The following ATIC variants were observed in gnomAD, a reference collection of about 807,000 sequenced individuals.
ATIC encodes the protein 5-aminoimidazole-4-carboxamide ribonucleotide formyltransferase/IMP cyclohydrolase, also known as bifunctional purine biosynthesis protein ATIC.
Under a neutral mutation model 72.5 loss-of-function variants are expected in ATIC, and 64 were observed. The ratio of observed to expected loss-of-function variants is 0.88; its 90% CI spans 0.72 to 1.09. The LOEUF (loss-of-function observed/expected upper bound fraction) is 1.09, where lower values mean the gene tolerates loss of function less well. ATIC is among the 50% of genes least tolerant of loss of function. The pLI is 0.00. For missense variants in ATIC, 787 were observed against 732.4 expected (o/e 1.07, Z -0.86); for synonymous variants, 281 against 267.1 (o/e 1.05, Z -0.51).
At position 215,349,692 on chromosome 2, in the gene ATIC, A is replaced by G. The variant is rs1372653259; in HGVS notation, c.*37A>G. 3 of 1,614,030 alleles carry G rather than the reference A, an allele frequency of 1.9e-6. No homozygotes were observed. The highest frequency in any genetic ancestry group is 2.5e-6 in the Non-Finnish European group (3 of 1,180,010). ...ACTGTTTTTTGGCTTGCTTATGTGT[A>G]GGTGAACAGTCACGCCTGAAACTTT... On this transcript the variant is annotated 3_prime_UTR_variant, in exon 16 of 16. Transcript: ENST00000236959.
chr2:215,367,817 C>T, the ATIC span: 1 of 1,602,762 alleles, frequency 6.2e-7, no homozygotes, highest in Non-Finnish European at 8.5e-7. Flanking sequence ...ATGCATGGAA[C>T]TTGAGGAGAC....
At chr2:215,353,955 CTGTT>C (rs758351107), downstream of ATIC, among the ~76,000 whole-genome samples, 4 of 152,146 alleles carry the variant, frequency 2.6e-5, no homozygotes, top group East Asian at 1.9e-4. Flanking sequence ...TTTGAAAACA[CTGTT>C]TGGTTTTTTA....
downstream of ATIC, among the ~76,000 whole-genome samples, chr2:215,354,303 T>G (rs1053875478): frequency 3.9e-5 from 6 of 152,202 alleles, no homozygotes; most frequent in African/African-American, 1.4e-4. Context: ...GTGCTGGGAT[T>G]ACAGGTGTGA....
At chr2:215,336,009 G>A (rs777617455) in intron 10 of ATIC, 26 bp from the exon 11 acceptor site, 1 of 1,536,778 alleles carries the variant, frequency 6.5e-7, no homozygotes, top group South Asian at 1.1e-5. Context: ...TTTAAAAATA[G>A]AAATTAAAAT....
At chr2:215,325,747 A>G (rs1484427519) in intron 5 of ATIC, among the ~76,000 whole-genome samples, 1 of 151,552 alleles carries the variant, frequency 6.6e-6, no homozygotes, top group Non-Finnish European at 1.5e-5. Flanking sequence ...TGTATTTTTT[A>G]TAGAGATGGA....
At chr2:215,348,759 G>A (rs1295151882) in intron 14 of ATIC, 7 of 345,022 alleles carry the variant, frequency 2.0e-5, no homozygotes, top group Non-Finnish European at 3.9e-5. Context: ...TCAAGAGATT[G>A]AGACCCTCCT....
intron 7 of ATIC, among the ~76,000 whole-genome samples, chr2:215,331,446 G>C (rs190792728): frequency 2.0e-5 from 3 of 149,072 alleles, no homozygotes; most frequent in African/African-American, 7.4e-5. Context: ...GCAGTGGCGC[G>C]GTTTCGGCTC....
intron 2 of ATIC, 32 bp from the exon 3 acceptor site, chr2:215,318,125 C>A: frequency 6.3e-7 from 1 of 1,575,300 alleles, no homozygotes; most frequent in Non-Finnish European, 8.7e-7. Flanking sequence ...TCAGCCACAC[C>A]AGTAGTACCA....
At chr2:215,360,020 C>A in the ATIC span, among the ~76,000 whole-genome samples, 1 of 152,150 alleles carries the variant, frequency 6.6e-6, no homozygotes, top group Non-Finnish European at 1.5e-5. Flanking sequence ...CTCACTGCAA[C>A]CTCCGCCTTC....
chr2:215,314,721 G>A (rs1213481606), intron 2 of ATIC, among the ~76,000 whole-genome samples: 2 of 151,928 alleles, frequency 1.3e-5, no homozygotes, highest in African/African-American at 2.4e-5. Flanking sequence ...GGCTGATCTC[G>A]AACTCCTGAC....
intron 2 of ATIC, among the ~76,000 whole-genome samples, chr2:215,314,156 A>G (rs753516788): frequency 1.9e-4 from 29 of 152,168 alleles, no homozygotes; most frequent in Admixed American, 3.3e-4. Context: ...TATCTTCATT[A>G]TGGTCATATC....
intron 13 of ATIC, 79 bp from the exon 14 acceptor site, chr2:215,346,680 G>A (rs2053073678): frequency 6.7e-7 from 1 of 1,492,332 alleles, no homozygotes; most frequent in Non-Finnish European, 9.3e-7. Flanking sequence ...AATAGGTTTT[G>A]GAGAATGTGC....
chr2:215,328,552 C>T (rs1319780097), intron 7 of ATIC, among the ~76,000 whole-genome samples: 6 of 152,096 alleles, frequency 3.9e-5, no homozygotes, highest in Admixed American at 2.0e-4. Context: ...TGCCCTTCAC[C>T]GTCCTGGTTT....
Position 215,349,745 on chromosome 2 carries a change from A to C in ATIC, c.*90A>C, listed in dbSNP as rs573812822. The C allele has an allele frequency of 6.2e-7, 1 of 1,601,092 alleles. No individual in the cohort carries two copies. The highest frequency in any genetic ancestry group is 8.6e-7 in the Non-Finnish European group (1 of 1,168,954). On this transcript the variant is annotated 3_prime_UTR_variant, in exon 16 of 16. Transcript: ENST00000236959. ...GGATAACTTTTTAAAAAAATAAAAC[A>C]GTATCTCTTAATCACTGGATCCATA... is the stretch of plus-strand genomic sequence containing the variant.
chr2:215,312,557 C>T lies in ATIC; in HGVS notation c.79C>T (p.Leu27Phe). 5 of 1,614,216 alleles carry T rather than the reference C, an allele frequency of 3.1e-6. No homozygotes were observed. Among genetic ancestry groups the T allele is most frequent in the Non-Finnish European group, 4.2e-6 (5 of 1,180,034 alleles). ...GGAATTTGCAAGAAACCTGACCGCT[C>T]TTGGTTTGAATCTGGTCGCTTCCGG... Reference protein sequence around the residue: ...LVEFARNLTALGLNLVASGGT... With the variant: ...LVEFARNLTAFGLNLVASGGT... Residue 27 changes from leucine (L) to phenylalanine (F), a missense_variant, in exon 2 of 16, where the codon CTT (leucine) becomes TTT (phenylalanine). Leu to Phe is a conservative substitution (Grantham distance 22). Coordinates refer to ENST00000236959, the MANE Select transcript of ATIC (RefSeq NM_004044.7).
rs551274501 is a variant in ATIC at position 215,334,189 on chromosome 2, C to CTTTTTTT, written c.923-714_923-708dup. On this transcript the variant is annotated intron_variant, in intron 9 of 15. Coordinates refer to ENST00000236959, the MANE Select transcript of ATIC (RefSeq NM_004044.7). ...AAAATTGAAATTACAAAAAGCTATT[C>CTTTTTTT]TTTTTTTTTTTTTTTTTTTTTTGAG... Among the ~76,000 whole-genome samples, 193 of 100,948 alleles carry CTTTTTTT rather than the reference C, an allele frequency of 1.9e-3. 4 individuals carry two copies. Among genetic ancestry groups the CTTTTTTT allele is most frequent in the Middle Eastern group, 7.9e-3 (1 of 126 alleles). 66.2% of individuals were successfully genotyped at this position (100,948 alleles called of 152,430 possible).
In ATIC at chr2:215,332,394, C is replaced by T; in HGVS notation, c.701C>T (p.Ala234Val). The T allele has an allele frequency of 6.2e-7, 1 of 1,613,944 alleles. No homozygotes were observed. Among genetic ancestry groups the T allele is most frequent in the Non-Finnish European group, 8.5e-7 (1 of 1,180,016 alleles). ...TTTTTACATTTAGTTCTAAATGGAG[C>T]CCCTGGATTTATAAACTTGTGCGAT... ...PKLPITVLNGAPGFINLCDAL... is the reference protein window; with the variant it reads ...PKLPITVLNGVPGFINLCDAL... Residue 234 changes from alanine (A) to valine (V), a missense_variant, in exon 8 of 16, where the codon GCC becomes GTC. By Grantham distance (64) the Ala-to-Val change is moderately conservative (BLOSUM62 0). Coordinates refer to ENST00000236959, the MANE Select transcript of ATIC (RefSeq NM_004044.7).
At chr2:215,324,818 C>T (rs2052805092) in intron 4 of ATIC, among the ~76,000 whole-genome samples, 2 of 152,120 alleles carry the variant, frequency 1.3e-5, no homozygotes, top group Non-Finnish European at 2.9e-5. Flanking sequence ...TGCCAATCCA[C>T]TGGAAAAAGA....
chr2:215,367,011 T>C, the ATIC span, among the ~76,000 whole-genome samples: 1 of 152,228 alleles, frequency 6.6e-6, no homozygotes, highest in Non-Finnish European at 1.5e-5. Flanking sequence ...ATTTCAAGTA[T>C]ACAAGTTAAG....
Sources: allele counts gnomAD v4.1 joint callset (sites outside exome capture counted in the v4.1 genomes callset), GRCh38; gene constraint gnomAD v4.1.1; transcripts MANE v1.5; gene names NCBI Gene and HGNC (gene_info 2026-07-23, HGNC 2026-07-21).